Variants in ADD1 observed in about 807,000 individuals in gnomAD.
The protein encoded by ADD1 is adducin 1.
ADD1 carries 24 observed loss-of-function variants against 80.5 expected under a neutral mutation model. The ratio of observed to expected loss-of-function variants is 0.30; its 90% CI spans 0.22 to 0.42. The LOEUF (loss-of-function observed/expected upper bound fraction) is 0.42. Among genes scored for constraint, ADD1 ranks in the 10% least tolerant of loss-of-function variants. The pLI is 1.00. For missense variants in ADD1, 948 were observed against 1,019.0 expected (o/e 0.93, Z 0.95); for synonymous variants, 373 against 393.8 (o/e 0.95, Z 0.63).
chr4:2,923,657 G>A (rs1279592787), intron 14 of ADD1, among the ~76,000 whole-genome samples: 1 of 152,256 alleles, frequency 6.6e-6, no homozygotes, highest in Admixed American at 6.5e-5. Flanking sequence ...CTTCACCGGG[G>A]AGAGACCTCC....
At position 2,890,094 on chromosome 4, in the gene ADD1, G is replaced by A. The variant is rs552435366; in HGVS notation, c.511-3919G>A. 5.4e-4 allele frequency among the ~76,000 whole-genome samples: 82 copies of A among 151,222 alleles called. 2 individuals are homozygous for A. Among genetic ancestry groups the A allele is most frequent in the African/African-American group, 1.8e-3 (75 of 41,226 alleles). On this transcript the variant is annotated intron_variant, in intron 4 of 15. Coordinates refer to ENST00000683351, the MANE Select transcript of ADD1 (RefSeq NM_001354761.2). Reference sequence around the variant, plus strand: ...CACCTGTAATCCCAGCTACTGGGAGGCTGAGACAGGAATCACTTGAACTTG... The same window carrying A: ...CACCTGTAATCCCAGCTACTGGGAGACTGAGACAGGAATCACTTGAACTTG...
chr4:2,906,271 C>T lies in ADD1; in HGVS notation c.1506+1163C>T, dbSNP rs1383019237. On this transcript the variant is annotated intron_variant, in intron 10 of 15. Coordinates refer to ENST00000683351, the MANE Select transcript of ADD1 (RefSeq NM_001354761.2). ...CCATGGGGCTCTGAGCATGGGAGTG[C>T]GTCTCTCCTCTTCTTTCCTGCCCTC... Among the ~76,000 whole-genome samples the T allele has an allele frequency of 3.3e-5, 5 of 152,244 alleles. No individual in the cohort carries two copies. In the East Asian group the frequency reaches 5.8e-4, roughly 18 times the overall value.
At chr4:2,911,448 A>ATATTTTTT (rs553567632) in intron 13 of ADD1, among the ~76,000 whole-genome samples, 3 of 130,518 alleles carry the variant, frequency 2.3e-5, no homozygotes, top group African/African-American at 8.9e-5. Flanking sequence ...ATATATATAT[A>ATATTTTTT]TTTTTTTTTT....
At chr4:2,847,186 G>T (rs1577398862) in intron 1 of ADD1, among the ~76,000 whole-genome samples, 1 of 152,102 alleles carries the variant, frequency 6.6e-6, no homozygotes. Context: ...ACTTTGGGAG[G>T]CTGAGGCAGG....
intron 1 of ADD1, among the ~76,000 whole-genome samples, chr4:2,861,266 G>A (rs1728781799): frequency 6.6e-6 from 1 of 152,136 alleles, no homozygotes; most frequent in South Asian, 2.1e-4. Flanking sequence ...GGTCAAGAGT[G>A]CAGATTTTAT....
chr4:2,921,879 G>C (rs1740107144), intron 14 of ADD1, among the ~76,000 whole-genome samples: 1 of 151,474 alleles, frequency 6.6e-6, no homozygotes. Flanking sequence ...ATTTCATTAA[G>C]TTGATCTTCA....
intron 4 of ADD1, 100 bp downstream of exon 4, chr4:2,884,766 C>A: frequency 7.3e-7 from 1 of 1,373,640 alleles, no homozygotes; most frequent in Non-Finnish European, 9.8e-7. Flanking sequence ...GGCTGAGCTT[C>A]AGTAAGTCTT....
chr4:2,861,946 C>T (rs1007945522), intron 1 of ADD1, among the ~76,000 whole-genome samples: 2 of 152,176 alleles, frequency 1.3e-5, no homozygotes, highest in Non-Finnish European at 2.9e-5. Context: ...AGTTCATCAA[C>T]TATCATTAGT....
intron 1 of ADD1, among the ~76,000 whole-genome samples, chr4:2,866,506 T>C (rs62875860): frequency 7.0e-6 from 1 of 143,644 alleles, no homozygotes; most frequent in African/African-American, 2.6e-5. Context: ...TTTTTTTTTT[T>C]GGGATGAAAA....
At chr4:2,860,951 A>G (rs1577454824) in intron 1 of ADD1, among the ~76,000 whole-genome samples, 1 of 152,192 alleles carries the variant, frequency 6.6e-6, no homozygotes, top group Non-Finnish European at 1.5e-5. Context: ...AAGAAAACAC[A>G]AAAAGTCCAG....
rs1049203556 is a variant in ADD1, at chr4:2,928,977, G to A, written c.*454G>A. ...CTTCATGTGGCATTCTCTCTGCTCA[G>A]TGATCTCACTTAAATCTATATACAA... On this transcript the variant is annotated 3_prime_UTR_variant, in exon 16 of 16. Transcript: ENST00000683351. 3 of 179,170 alleles carry A rather than the reference G, an allele frequency of 1.7e-5. No individual in the cohort carries two copies. The highest frequency in any genetic ancestry group is 2.4e-5 in the African/African-American group (1 of 41,656). The allele number at this position is 179,170 out of a possible 1,614,324, so 11.1% of individuals were successfully genotyped here. A position where few individuals can be genotyped will look rare whatever the true frequency, so the allele number is the denominator to read the frequency against.
At chr4:2,883,181 A>G (rs1406722570) in intron 3 of ADD1, among the ~76,000 whole-genome samples, 3 of 152,186 alleles carry the variant, frequency 2.0e-5, no homozygotes, top group Non-Finnish European at 2.9e-5. Context: ...TGTATTAATT[A>G]GCAAGAATGT....
At position 2,926,118 on chromosome 4, in the gene ADD1, C is replaced by G; in HGVS notation, c.2047+6C>G. On this transcript the variant is annotated splice_donor_region_variant and intron_variant, in intron 15 of 15. Transcript: ENST00000683351. This position sits in a 1 kb window ranked among gnomAD's most constrained non-coding sequence, Gnocchi z 5.0. Reference sequence around the variant, plus strand: ...TCCCATCAAGCTGGAGGAAGGTGAGCTCTGGGTGGCAGCGGCCGCCACTGT... The same window carrying G: ...TCCCATCAAGCTGGAGGAAGGTGAGGTCTGGGTGGCAGCGGCCGCCACTGT... 1.9e-6 allele frequency: 3 copies of G among 1,612,690 alleles called. No individual in the cohort carries two copies. Among genetic ancestry groups the G allele is most frequent in the Non-Finnish European group, 2.5e-6 (3 of 1,179,138 alleles).
In ADD1 at chr4:2,926,306, G is replaced by C. The variant is rs1047104049; in HGVS notation, c.2047+194G>C. On this transcript the variant is annotated intron_variant, in intron 15 of 15. Coordinates refer to ENST00000683351, the MANE Select transcript of ADD1 (RefSeq NM_001354761.2). The surrounding 1 kb of genome is among the most constrained non-coding windows in gnomAD (Gnocchi z 5.0). ...CCAGGCAAAACAGATTTGTATGTGA[G>C]CTGTGACCAGGTAGGAAGGCCGGCC... 2 of 720,924 alleles carry C rather than the reference G, an allele frequency of 2.8e-6. No individual in the cohort carries two copies. Among genetic ancestry groups the C allele is most frequent in the Non-Finnish European group, 5.0e-6 (2 of 399,816 alleles). 44.7% of individuals were successfully genotyped at this position (720,924 alleles called of 1,614,324 possible).
At chr4:2,870,596 C>G (rs1730276144) in intron 1 of ADD1, among the ~76,000 whole-genome samples, 1 of 152,202 alleles carries the variant, frequency 6.6e-6, no homozygotes, top group Non-Finnish European at 1.5e-5. Context: ...GAGTACTTTA[C>G]AGTTTTCACA....
intron 9 of ADD1, chr4:2,900,045 GC>G (rs1735921656): frequency 6.5e-6 from 1 of 155,032 alleles, no homozygotes; most frequent in East Asian, 1.9e-4. Flanking sequence ...TCATTCTTTT[GC>G]AAGGACTGGA....
At position 2,929,870 on chromosome 4, in the gene ADD1, C is replaced by A. The variant is rs868684564; in HGVS notation, c.*1347C>A. On this transcript the variant is annotated 3_prime_UTR_variant, in exon 16 of 16. Coordinates refer to ENST00000683351, the MANE Select transcript of ADD1 (RefSeq NM_001354761.2). ...CAAGGCAGAATGAAAAGTCCTTAAC[C>A]GTGGACTCTTCCTTTATCCCCTCCT... 1 of 152,646 alleles carries A rather than the reference C, an allele frequency of 6.6e-6. No individual in the cohort carries two copies. The highest frequency in any genetic ancestry group is 1.5e-5 in the Non-Finnish European group (1 of 68,064). 9.5% of individuals were successfully genotyped at this position (152,646 alleles called of 1,614,324 possible).
At chr4:2,923,889 G>C in intron 14 of ADD1, among the ~76,000 whole-genome samples, 1 of 152,262 alleles carries the variant, frequency 6.6e-6, no homozygotes. Flanking sequence ...GAAGCGCACT[G>C]CCTTCCTCAC....
At chr4:2,868,359 T>C (rs972864506) in intron 1 of ADD1, among the ~76,000 whole-genome samples, 1 of 152,184 alleles carries the variant, frequency 6.6e-6, no homozygotes, top group African/African-American at 2.4e-5. Flanking sequence ...CGTCCATGTC[T>C]CTTGGTGCTG....
Sources: gnomAD v4.1 joint callset for allele counts (sites outside exome capture counted in the v4.1 genomes callset) on GRCh38, gnomAD v4.1.1 for gene constraint, Gnocchi (gnomAD v3.1) non-coding constraint, MANE v1.5 for transcripts, NCBI Gene and HGNC (gene_info 2026-07-23, HGNC 2026-07-21) for gene names.